GALNT1: variants seen among roughly 807,000 people sequenced by gnomAD.
GALNT1 encodes polypeptide N-acetylgalactosaminyltransferase 1, also known as GalNAc transferase 1.
GALNT1 carries 17 observed loss-of-function variants against 65.7 expected under a neutral mutation model. The observed-to-expected ratio is 0.26, with a 90% CI of 0.18 to 0.39. The LOEUF is 0.39. Ranked by LOEUF, GALNT1 falls within the 10% of genes least tolerant of loss-of-function variation. The pLI, the probability that GALNT1 is intolerant of heterozygous loss-of-function variation, is 1.00. For synonymous variants in GALNT1, 210 were observed against 219.7 expected (o/e 0.96, Z 0.39); for missense variants, 460 against 672.8 (o/e 0.68, Z 3.50).
At chr18:35,592,449 G>T (rs2046457115) in intron 1 of GALNT1, among the ~76,000 whole-genome samples, 1 of 152,188 alleles carries the variant, frequency 6.6e-6, no homozygotes, top group Non-Finnish European at 1.5e-5. Flanking sequence ...AGACTGTGTA[G>T]CAAAGAGGAC....
At chr18:35,638,536 A>G (rs998413759) in intron 1 of GALNT1, among the ~76,000 whole-genome samples, 4 of 149,770 alleles carry the variant, frequency 2.7e-5, no homozygotes, top group African/African-American at 5.0e-5. Flanking sequence ...AAGTAAACTA[A>G]GTTATCTAGA....
chr18:35,595,584 A>G (rs1244459959), intron 1 of GALNT1, among the ~76,000 whole-genome samples: 1 of 152,200 alleles, frequency 6.6e-6, no homozygotes, highest in East Asian at 1.9e-4. Context: ...AAACAGAAAC[A>G]TTGTGAATTT....
intron 2 of GALNT1, among the ~76,000 whole-genome samples, chr18:35,657,075 A>ATT (rs111262275): frequency 1.0e-4 from 15 of 150,072 alleles, no homozygotes; most frequent in Admixed American, 5.3e-4. Flanking sequence ...TGAGTTTGGA[A>ATT]TTTTTTTTTT....
intron 1 of GALNT1, among the ~76,000 whole-genome samples, chr18:35,587,618 T>C (rs555198361): frequency 6.6e-6 from 1 of 152,306 alleles, no homozygotes; most frequent in South Asian, 2.1e-4. Flanking sequence ...ATTTTTCTTC[T>C]TTAGCCTGTC....
chr18:35,642,715 CA>C (rs34835238), intron 1 of GALNT1, among the ~76,000 whole-genome samples: 16,810 of 151,974 alleles, frequency 0.11, 986 homozygotes, highest in Admixed American at 0.18. Flanking sequence ...GGAAGCTCAT[CA>C]GCAGACTAGA....
intron 1 of GALNT1, among the ~76,000 whole-genome samples, chr18:35,620,394 A>G (rs1488278292): frequency 3.3e-5 from 5 of 152,202 alleles, no homozygotes; most frequent in Admixed American, 3.3e-4. Flanking sequence ...TTTTAGTAAT[A>G]CAGCAGTTTG....
intron 2 of GALNT1, chr18:35,659,774 A>G (rs1317534130): frequency 6.6e-6 from 1 of 152,224 alleles, no homozygotes; most frequent in South Asian, 2.1e-4. Flanking sequence ...AAAACTTACA[A>G]TGATAAAAAA....
At chr18:35,623,969 A>C (rs1226272520) in intron 1 of GALNT1, among the ~76,000 whole-genome samples, 2 of 151,978 alleles carry the variant, frequency 1.3e-5, no homozygotes, top group African/African-American at 4.8e-5. Context: ...TGTATACTGG[A>C]TATTGTGGAT....
At position 35,683,446 on chromosome 18, in the gene GALNT1, T is replaced by C. The variant is rs2047816449; in HGVS notation, c.537T>C (p.His179=). The change falls in exon 5 of 12, where the codon CAT becomes CAC. Residue 179 remains histidine (H), a synonymous_variant. Transcript: ENST00000269195. ...TGAAAAAACTAAAAGTACCAGTTCATGTAATTCGAATGGAACAACGTTCTG... is the reference window on the plus strand; with the variant it reads ...TGAAAAAACTAAAAGTACCAGTTCACGTAATTCGAATGGAACAACGTTCTG... The part of the protein sequence containing the change: ...SYVKKLKVPV[H]VIRMEQRSGL... The C allele has an allele frequency of 6.2e-7, 1 of 1,613,816 alleles. No homozygotes were observed. The highest frequency in any genetic ancestry group is 8.5e-7 in the Non-Finnish European group (1 of 1,179,836).
rs143398527 is a variant in GALNT1 at position 35,660,262 on chromosome 18, A to G, written c.140-3366A>G. Among the ~76,000 whole-genome samples the G allele has an allele frequency of 8.8e-3, 1,343 of 152,258 alleles. 20 individuals are homozygous for G. Among genetic ancestry groups the G allele is most frequent in the East Asian group, 0.047 (242 of 5,186 alleles). On this transcript the variant is annotated intron_variant, in intron 2 of 11. Coordinates refer to ENST00000269195, the MANE Select transcript of GALNT1 (RefSeq NM_020474.4). ...GTCTACTTTCCTGAGAGAAACACAC[A>G]TAAGAAATTTGAAAAATATCCTTAA...
chr18:35,588,179 T>G (rs2046398912), intron 1 of GALNT1, among the ~76,000 whole-genome samples: 1 of 152,182 alleles, frequency 6.6e-6, no homozygotes, highest in Admixed American at 6.5e-5. Context: ...CTATCAACTG[T>G]GGAGAGAGAA....
rs865774594 is a variant in GALNT1 at position 35,632,897 on chromosome 18, G to A, written c.-103-21663G>A. ...AACAAGTGGGCGAAGGATATGAACA[G>A]ACACTTCTCAAAAGAAGACATTTAT... On this transcript the variant is annotated intron_variant, in intron 1 of 11. Coordinates refer to ENST00000269195, the MANE Select transcript of GALNT1 (RefSeq NM_020474.4). 9.9e-4 allele frequency among the ~76,000 whole-genome samples: 151 copies of A among 152,302 alleles called. 3 individuals are homozygous for A. Among genetic ancestry groups the A allele is most frequent in the Middle Eastern group, 3.4e-3 (1 of 294 alleles).
chr18:35,665,625 C>T (rs747811737), intron 3 of GALNT1, among the ~76,000 whole-genome samples: 4 of 152,090 alleles, frequency 2.6e-5, no homozygotes, highest in Admixed American at 6.6e-5. Flanking sequence ...TCTTAAGAGG[C>T]GAAAGAAGGT....
intron 1 of GALNT1, among the ~76,000 whole-genome samples, chr18:35,598,929 C>G (rs1194509680): frequency 6.6e-6 from 1 of 150,420 alleles, no homozygotes; most frequent in African/African-American, 2.4e-5. Flanking sequence ...GCTATTTTAA[C>G]TAGGGTGAGA....
At chr18:35,662,648 A>C (rs1320100728) in intron 2 of GALNT1, among the ~76,000 whole-genome samples, 1 of 152,242 alleles carries the variant, frequency 6.6e-6, no homozygotes, top group Non-Finnish European at 1.5e-5. Flanking sequence ...CCTAAAAAAC[A>C]ATCTACAAGA....
chr18:35,662,801 T>C (rs2047495705), intron 2 of GALNT1, among the ~76,000 whole-genome samples: 1 of 152,188 alleles, frequency 6.6e-6, no homozygotes, highest in African/African-American at 2.4e-5. Context: ...CCAGAACCTG[T>C]TTTTCTTGGA....
intron 5 of GALNT1, among the ~76,000 whole-genome samples, chr18:35,685,254 TATC>T (rs1197359560): frequency 6.6e-6 from 1 of 151,952 alleles, no homozygotes; most frequent in Non-Finnish European, 1.5e-5. Context: ...GTAAAAAACA[TATC>T]ATGATATCAT....
chr18:35,611,263 A>C (rs2469452), intron 1 of GALNT1, among the ~76,000 whole-genome samples: 89,163 of 151,896 alleles, frequency 0.59, 26,563 homozygotes, highest in Middle Eastern at 0.7. Context: ...CCATGCTTTC[A>C]CTTTTTTTCT....
At chr18:35,696,031 G>A (rs76257213) in intron 9 of GALNT1, among the ~76,000 whole-genome samples, 2,896 of 152,262 alleles carry the variant, frequency 0.019, 78 homozygotes, top group African/African-American at 0.058. Flanking sequence ...GCAAGCTTGC[G>A]TCTTACCTGC....
Sources: allele counts gnomAD v4.1 joint callset (sites outside exome capture counted in the v4.1 genomes callset), GRCh38; gene constraint gnomAD v4.1.1; transcripts MANE v1.5; gene names NCBI Gene and HGNC (gene_info 2026-07-23, HGNC 2026-07-21).